The following AHI1 variants were observed in gnomAD, a reference collection of about 807,000 sequenced individuals.
The protein encoded by AHI1 is Abelson helper integration site 1, also known as jouberin.
Under a neutral mutation model 149.3 loss-of-function variants are expected in AHI1, and 123 were observed. The observed-to-expected ratio is 0.82, with a 90% confidence interval of 0.71 to 0.96. The LOEUF (loss-of-function observed/expected upper bound fraction) is 0.96. Among genes scored for constraint, AHI1 ranks in the 40% least tolerant of loss-of-function variants. The probability of loss-of-function intolerance (pLI) is 0.00; values close to 1 mark genes in which losing one functional copy is unlikely to be tolerated. For synonymous variants in AHI1, 475 were observed against 459.8 expected (o/e 1.03, Z -0.42); for missense variants, 1,439 against 1,422.7 (o/e 1.01, Z -0.18).
intron 24 of AHI1, among the ~76,000 whole-genome samples, chr6:135,334,610 T>C (rs1420173104): frequency 6.6e-6 from 1 of 152,218 alleles, no homozygotes; most frequent in African/African-American, 2.4e-5. Context: ...CGGTATTACA[T>C]TGAAAAAGTT....
At chr6:135,459,740 T>TAAAAAAAAAAA (rs58235668) in intron 8 of AHI1, among the ~76,000 whole-genome samples, 1 of 118,554 alleles carries the variant, frequency 8.4e-6, no homozygotes. Flanking sequence ...CTGACAGAAG[T>TAAAAAAAAAAA]AAAAAAAAAA....
Position 135,469,764 on chromosome 6 carries a change from T to G in AHI1, c.136-2130A>C, listed in dbSNP as rs149900965. On this transcript the variant is annotated intron_variant, in intron 5 of 28. Coordinates refer to ENST00000265602, the MANE Select transcript of AHI1 (RefSeq NM_001134831.2). ...GTGCTGGGAAAACTGTCTAGCCATA[T>G]GCAGAAAATTGAAACTGGACCCCTT... Among the ~76,000 whole-genome samples the G allele has an allele frequency of 4.9e-4, 75 of 152,314 alleles. 1 individual carries two copies. The highest frequency in any genetic ancestry group is 1.7e-3 in the African/African-American group (70 of 41,578).
At chr6:135,408,580 T>C (rs1191206282) in intron 21 of AHI1, among the ~76,000 whole-genome samples, 1 of 152,150 alleles carries the variant, frequency 6.6e-6, no homozygotes, top group African/African-American at 2.4e-5. Flanking sequence ...TGCATCCTGA[T>C]ACACCTTCAA....
At chr6:135,295,590 C>T (rs552813471) in intron 27 of AHI1, among the ~76,000 whole-genome samples, 6 of 152,134 alleles carry the variant, frequency 3.9e-5, no homozygotes, top group South Asian at 4.2e-4. Flanking sequence ...TTGTAGTAGC[C>T]GCAAAGTGGA....
chr6:135,359,566 G>C lies in AHI1; in HGVS notation c.3110-1379C>G, dbSNP rs150809561. 4.8e-3 allele frequency among the ~76,000 whole-genome samples: 726 copies of C among 152,178 alleles called. 6 individuals carry two copies. The highest frequency in any genetic ancestry group is 3.6e-3 in the Non-Finnish European group (248 of 68,004). On this transcript the variant is annotated intron_variant, in intron 23 of 28. Coordinates refer to ENST00000265602, the MANE Select transcript of AHI1 (RefSeq NM_001134831.2). ...CCTATTGTAAGATTTTAACAATATAGAAATATAGAGAGAATAAATTGAGAA... is the reference window on the plus strand; with the variant it reads ...CCTATTGTAAGATTTTAACAATATACAAATATAGAGAGAATAAATTGAGAA...
At chr6:135,452,781 C>T (rs376072769) in intron 11 of AHI1, among the ~76,000 whole-genome samples, 70 of 152,262 alleles carry the variant, frequency 4.6e-4, no homozygotes, top group African/African-American at 1.6e-3. Context: ...ATTAACCCTG[C>T]TCCTTCAAAT....
At chr6:135,395,865 T>TA (rs1027282689) in intron 22 of AHI1, among the ~76,000 whole-genome samples, 2 of 151,574 alleles carry the variant, frequency 1.3e-5, no homozygotes, top group Admixed American at 1.3e-4. Context: ...TTCCCATTTT[T>TA]TTGTTAAATA....
At chr6:135,408,074 A>G (rs986466347) in intron 21 of AHI1, among the ~76,000 whole-genome samples, 1 of 152,000 alleles carries the variant, frequency 6.6e-6, no homozygotes, top group African/African-American at 2.4e-5. Context: ...TTTCCTTTAC[A>G]TCTACTTTCT....
At chr6:135,484,777 C>T (rs1343723005) in intron 5 of AHI1, among the ~76,000 whole-genome samples, 4 of 150,792 alleles carry the variant, frequency 2.7e-5, no homozygotes, top group African/African-American at 9.8e-5. Context: ...AAAACTTATA[C>T]ATTAGATTTA....
chr6:135,475,110 A>G (rs1040758639), intron 5 of AHI1, among the ~76,000 whole-genome samples: 1 of 152,152 alleles, frequency 6.6e-6, no homozygotes, highest in South Asian at 2.1e-4. Context: ...CGAGTTATCT[A>G]TTTCTTTTTG....
intron 24 of AHI1, among the ~76,000 whole-genome samples, chr6:135,328,067 AGCCTGTACTTGTGAATGGT>A (rs1415444633): frequency 1.3e-5 from 2 of 152,024 alleles, no homozygotes; most frequent in African/African-American, 4.8e-5. Context: ...AAGTTCTGGA[AGCCTGTACTTGTGAATGGT>A]GCCTGGGGTG....
chr6:135,379,040 T>C (rs1475248684), intron 23 of AHI1, among the ~76,000 whole-genome samples: 1 of 152,170 alleles, frequency 6.6e-6, no homozygotes, highest in African/African-American at 2.4e-5. Context: ...TCTAAGCCTA[T>C]ATTCCAAAAT....
chr6:135,425,897 T>C (rs1783850254), intron 20 of AHI1, among the ~76,000 whole-genome samples: 1 of 151,874 alleles, frequency 6.6e-6, no homozygotes, highest in Non-Finnish European at 1.5e-5. Flanking sequence ...TTAATGTGTA[T>C]GTGTAGTGAA....
At chr6:135,348,062 C>T (rs906677625) in intron 24 of AHI1, among the ~76,000 whole-genome samples, 1 of 152,122 alleles carries the variant, frequency 6.6e-6, no homozygotes, top group Non-Finnish European at 1.5e-5. Context: ...TAGTGACGGC[C>T]GTGTGGCTAT....
intron 26 of AHI1, chr6:135,302,910 T>A: frequency 1.2e-6 from 1 of 811,306 alleles, no homozygotes; most frequent in Non-Finnish European, 1.7e-6. Context: ...TGCCCTTCTT[T>A]CCACACACAC....
At chr6:135,298,642 T>C (rs534029814) in intron 27 of AHI1, among the ~76,000 whole-genome samples, 2 of 152,322 alleles carry the variant, frequency 1.3e-5, no homozygotes, top group Non-Finnish European at 2.9e-5. Context: ...AAATTGTAAG[T>C]AGGGAAAGTC....
rs140079925 is a variant in AHI1, at chr6:135,366,785, C to T, written c.3110-8598G>A. Among the ~76,000 whole-genome samples the T allele has an allele frequency of 6.7e-3, 1,012 of 152,144 alleles. 14 individuals carry two copies. Among genetic ancestry groups the T allele is most frequent in the African/African-American group, 0.023 (956 of 41,514 alleles). ...TATTTTTTTGTTGTTTCATTTAGGT[C>T]TGCTCTGATCTTTGTTATTTTTTCT... On this transcript the variant is annotated intron_variant, in intron 23 of 28. Coordinates refer to ENST00000265602, the MANE Select transcript of AHI1 (RefSeq NM_001134831.2).
chr6:135,352,093 C>T (rs1792202575), intron 24 of AHI1, among the ~76,000 whole-genome samples: 1 of 152,190 alleles, frequency 6.6e-6, no homozygotes, highest in Non-Finnish European at 1.5e-5. Flanking sequence ...CTTATCACCA[C>T]AAATGTAGAT....
chr6:135,341,362 G>A (rs1790346976), intron 24 of AHI1, among the ~76,000 whole-genome samples: 1 of 151,678 alleles, frequency 6.6e-6, no homozygotes, highest in Non-Finnish European at 1.5e-5. Context: ...AGACAAAGAA[G>A]GACATTGTAT....
Sources: allele counts gnomAD v4.1 joint callset (sites outside exome capture counted in the v4.1 genomes callset), GRCh38; gene constraint gnomAD v4.1.1; transcripts MANE v1.5; gene names NCBI Gene and HGNC (gene_info 2026-07-23, HGNC 2026-07-21).